GRM1: variants seen among roughly 807,000 people sequenced by gnomAD.
GRM1 encodes the protein metabotropic glutamate receptor 1.
In GRM1, 33 loss-of-function variants were observed where a neutral mutation model predicts 90.9. That is an observed-to-expected ratio of 0.36 (90% confidence interval 0.28 to 0.49). GRM1 has a LOEUF of 0.49. Ranked by LOEUF, GRM1 falls within the 20% of genes least tolerant of loss-of-function variation. GRM1 has a pLI of 0.99. For synonymous variants in GRM1, 700 were observed against 613.2 expected, an observed-to-expected ratio of 1.14 and a Z score of -2.09; for missense variants, 1,190 against 1,534.3, an observed-to-expected ratio of 0.78 and a Z score of 3.75.
intron 1 of GRM1, among the ~76,000 whole-genome samples, chr6:146,052,894 C>T (rs1336033060): frequency 2.0e-5 from 3 of 152,026 alleles, no homozygotes; most frequent in African/African-American, 7.2e-5. Context: ...TAACAGGACA[C>T]CGTCATATTT....
At chr6:146,142,839 C>T (rs1258885883) in intron 1 of GRM1, among the ~76,000 whole-genome samples, 1 of 152,136 alleles carries the variant, frequency 6.6e-6, no homozygotes, top group Non-Finnish European at 1.5e-5. Context: ...TACCCAAGAA[C>T]CAAGGCCTGG....
chr6:146,095,215 AG>A (rs1426471432), intron 1 of GRM1, among the ~76,000 whole-genome samples: 1 of 152,120 alleles, frequency 6.6e-6, no homozygotes, highest in Non-Finnish European at 1.5e-5. Context: ...ATTCCACACC[AG>A]TGTGAACTCC....
chr6:146,418,272 A>C (rs997871881), intron 7 of GRM1, among the ~76,000 whole-genome samples: 1 of 152,048 alleles, frequency 6.6e-6, no homozygotes, highest in Non-Finnish European at 1.5e-5. Context: ...ATGCAGCCCC[A>C]TATAGTATCT....
At chr6:146,170,072 C>T (rs2128894188) in intron 2 of GRM1, among the ~76,000 whole-genome samples, 1 of 152,082 alleles carries the variant, frequency 6.6e-6, no homozygotes, top group Admixed American at 6.5e-5. Context: ...TTTTTTCCCT[C>T]CAGCATGGTG....
chr6:146,380,853 T>G (rs1776294376), intron 5 of GRM1, among the ~76,000 whole-genome samples: 1 of 152,112 alleles, frequency 6.6e-6, no homozygotes, highest in African/African-American at 2.4e-5. Context: ...CTGCCAGGAC[T>G]GTGTCCTTTC....
intron 2 of GRM1, among the ~76,000 whole-genome samples, chr6:146,173,842 A>G (rs1778237577): frequency 6.6e-6 from 1 of 151,654 alleles, no homozygotes. Context: ...AATTTTTTGT[A>G]TCTTTAGTAG....
chr6:146,215,463 CA>C (rs546553114), intron 2 of GRM1, among the ~76,000 whole-genome samples: 1 of 152,160 alleles, frequency 6.6e-6, no homozygotes, highest in South Asian at 2.1e-4. Context: ...GCTGCCTCCC[CA>C]AAAAACTTGC....
chr6:146,151,527 C>G (rs1041197908), intron 1 of GRM1, among the ~76,000 whole-genome samples: 2 of 152,090 alleles, frequency 1.3e-5, no homozygotes, highest in African/African-American at 2.4e-5. Context: ...TTTTCAGTGC[C>G]TACTTTTTTG....
Position 146,314,051 on chromosome 6 carries a change from C to CTTTTTTT in GRM1, c.1186+9231_1186+9237dup, listed in dbSNP as rs552986343. 2.1e-3 allele frequency among the ~76,000 whole-genome samples: 128 copies of CTTTTTTT among 62,000 alleles called. 22 individuals are homozygous for CTTTTTTT. The highest frequency in any genetic ancestry group is 0.014 in the Middle Eastern group (1 of 72). 40.7% of individuals were successfully genotyped at this position (62,000 alleles called of 152,430 possible). A position where few individuals can be genotyped will look rare whatever the true frequency, so the allele number is the denominator to read the frequency against. On this transcript the variant is annotated intron_variant, in intron 3 of 7. Coordinates refer to ENST00000282753, the MANE Select transcript of GRM1 (RefSeq NM_001278064.2). Reference sequence around the variant, plus strand: ...CACTGTATATATCAATAGTTAATTCCTTTTTTTTTTTTTTTTTTTTTTTTT... The same window carrying CTTTTTTT: ...CACTGTATATATCAATAGTTAATTCCTTTTTTTTTTTTTTTTTTTTTTTTTTTTTTTT...
intron 1 of GRM1, among the ~76,000 whole-genome samples, chr6:146,050,722 T>C (rs1013339403): frequency 6.6e-6 from 1 of 152,004 alleles, no homozygotes; most frequent in African/African-American, 2.4e-5. Context: ...TAATTTTCCA[T>C]TGTAGTGTTA....
intron 1 of GRM1, among the ~76,000 whole-genome samples, chr6:146,128,702 A>G (rs888179499): frequency 2.6e-5 from 4 of 152,212 alleles, no homozygotes; most frequent in Non-Finnish European, 5.9e-5. Context: ...CAGACACACA[A>G]TGAATGTGTG....
At chr6:146,204,674 G>A (rs1336277320) in intron 2 of GRM1, among the ~76,000 whole-genome samples, 2 of 152,086 alleles carry the variant, frequency 1.3e-5, no homozygotes, top group African/African-American at 4.8e-5. Flanking sequence ...TTTCTTATAA[G>A]GTTTGCTAAA....
At chr6:146,414,298 T>G (rs1198717615) in intron 7 of GRM1, among the ~76,000 whole-genome samples, 1 of 151,892 alleles carries the variant, frequency 6.6e-6, no homozygotes, top group East Asian at 1.9e-4. Flanking sequence ...TCTTTTTATG[T>G]GTTTATTGGC....
Position 146,062,492 on chromosome 6 carries a change from C to CAATAAAATAAAATAAAATAA in GRM1, c.700+32299_700+32318dup, listed in dbSNP as rs55760038. Among the ~76,000 whole-genome samples the CAATAAAATAAAATAAAATAA allele has an allele frequency of 4.8e-3, 694 of 145,724 alleles. 12 individuals carry two copies. The highest frequency in any genetic ancestry group is 0.017 in the African/African-American group (651 of 38,650). On this transcript the variant is annotated intron_variant, in intron 1 of 7. Coordinates refer to ENST00000282753, the MANE Select transcript of GRM1 (RefSeq NM_001278064.2). ...ATGTGTCTCAGAACTTAAAGTATAA[C>CAATAAAATAAAATAAAATAA]AATAAAATAAAATAAAATAAAATAA...
At chr6:146,354,424 T>G (rs1283942747) in intron 4 of GRM1, among the ~76,000 whole-genome samples, 1 of 152,202 alleles carries the variant, frequency 6.6e-6, no homozygotes, top group Non-Finnish European at 1.5e-5. Context: ...CAAGGCCAGA[T>G]GCATTTTTGA....
At chr6:146,312,920 TA>T (rs1783826983) in intron 3 of GRM1, among the ~76,000 whole-genome samples, 1 of 152,202 alleles carries the variant, frequency 6.6e-6, no homozygotes, top group Admixed American at 6.5e-5. Context: ...TTAAAGAGCC[TA>T]GTTAAGTTCT....
intron 1 of GRM1, among the ~76,000 whole-genome samples, chr6:146,064,127 C>T (rs193034252): frequency 2.0e-3 from 306 of 152,180 alleles, no homozygotes; most frequent in Non-Finnish European, 3.4e-3. Flanking sequence ...ATATATAATT[C>T]GAGGTAGATA....
chr6:146,296,604 A>C (rs1200346918), intron 2 of GRM1, among the ~76,000 whole-genome samples: 1 of 152,164 alleles, frequency 6.6e-6, no homozygotes, highest in Non-Finnish European at 1.5e-5. Flanking sequence ...GTAATTCAGA[A>C]TTCCATTGAT....
At chr6:146,042,090 T>A (rs1256461703) in intron 1 of GRM1, among the ~76,000 whole-genome samples, 2 of 152,016 alleles carry the variant, frequency 1.3e-5, no homozygotes, top group Non-Finnish European at 2.9e-5. Flanking sequence ...CACTAATCCA[T>A]TTTTGAGTGC....
Sources: gnomAD v4.1 joint callset for allele counts (sites outside exome capture counted in the v4.1 genomes callset) on GRCh38, gnomAD v4.1.1 for gene constraint, MANE v1.5 for transcripts, NCBI Gene and HGNC (gene_info 2026-07-23, HGNC 2026-07-21) for gene names.